The following BMPR1A variants were observed in gnomAD, a reference collection of about 807,000 sequenced individuals.
BMPR1A encodes bone morphogenetic protein receptor type 1A.
BMPR1A carries 7 observed loss-of-function variants against 66.0 expected under a neutral mutation model. The observed-to-expected ratio is 0.11, with a 90% CI of 0.06 to 0.20. The LOEUF is 0.20. Among genes scored for constraint, BMPR1A ranks in the 10% least tolerant of loss-of-function variants. BMPR1A has a pLI of 1.00. For missense variants in BMPR1A, 408 were observed against 669.1 expected, an observed-to-expected ratio of 0.61 and a Z score of 4.31; for synonymous variants, 200 against 229.7, an observed-to-expected ratio of 0.87 and a Z score of 1.17.
chr10:86,773,623 C>T (rs572428886), intron 1 of BMPR1A, among the ~76,000 whole-genome samples: 8 of 142,682 alleles, frequency 5.6e-5, no homozygotes, highest in Admixed American at 5.6e-4. Flanking sequence ...AAAAACACAA[C>T]ACCAGATGGA....
At chr10:86,807,119 C>T (rs952061760) in intron 1 of BMPR1A, among the ~76,000 whole-genome samples, 1 of 152,024 alleles carries the variant, frequency 6.6e-6, no homozygotes, top group Non-Finnish European at 1.5e-5. Flanking sequence ...CTTAGGTGTT[C>T]TCATTGATAC....
chr10:86,824,876 CTT>C lies in BMPR1A; in HGVS notation c.-267-13987_-267-13986del, dbSNP rs1256543185. Reference sequence around the variant, plus strand: ...GAAATGTAATTAGTTTTTCAGGAAACTTTGTCCACATAAAGGAATTGATTCCA... The same window carrying C: ...GAAATGTAATTAGTTTTTCAGGAAACTGTCCACATAAAGGAATTGATTCCA... On this transcript the variant is annotated intron_variant, in intron 1 of 12. Coordinates refer to ENST00000372037, the MANE Select transcript of BMPR1A (RefSeq NM_004329.3). Among the ~76,000 whole-genome samples the C allele has an allele frequency of 5.3e-5, 8 of 152,204 alleles. No homozygotes were observed. In the South Asian group the frequency reaches 1.7e-3, roughly 32 times the overall value.
intron 2 of BMPR1A, among the ~76,000 whole-genome samples, chr10:86,846,462 C>T (rs182654014): frequency 1.3e-5 from 2 of 152,308 alleles, no homozygotes; most frequent in East Asian, 1.9e-4. Context: ...AAGATTGGCA[C>T]TTTGTGTTCC....
chr10:86,899,976 T>A, intron 6 of BMPR1A, 51 bp from the exon 7 acceptor site: 1 of 1,610,688 alleles, frequency 6.2e-7, no homozygotes, highest in Non-Finnish European at 8.5e-7. Flanking sequence ...ATTGAACACG[T>A]CAGATTATTT....
intron 1 of BMPR1A, among the ~76,000 whole-genome samples, chr10:86,784,226 T>C (rs1333238967): frequency 6.6e-6 from 1 of 152,212 alleles, no homozygotes; most frequent in Non-Finnish European, 1.5e-5. Flanking sequence ...TAATGTTTGC[T>C]GTGGACTTTT....
chr10:86,797,689 A>G (rs546652413), intron 1 of BMPR1A, among the ~76,000 whole-genome samples: 103 of 152,276 alleles, frequency 6.8e-4, no homozygotes, highest in Non-Finnish European at 1.1e-3. Flanking sequence ...TTAATTCTTC[A>G]AATTGTATAG....
At chr10:86,866,221 CTTTTT>C (rs567037609) in intron 2 of BMPR1A, among the ~76,000 whole-genome samples, 2 of 124,022 alleles carry the variant, frequency 1.6e-5, no homozygotes, top group Non-Finnish European at 1.7e-5. Flanking sequence ...GAAGAGGGAG[CTTTTT>C]TTTTTTTTTT....
intron 2 of BMPR1A, among the ~76,000 whole-genome samples, chr10:86,871,426 C>T (rs1842854259): frequency 6.6e-6 from 1 of 152,178 alleles, no homozygotes; most frequent in South Asian, 2.1e-4. Flanking sequence ...ATAGCACAGA[C>T]ACTTAATAAA....
Position 86,926,932 on chromosome 10 carries a change from T to G in BMPR1A, c.*3213T>G, listed in dbSNP as rs1289821232. 1 of 190,650 alleles carries G rather than the reference T, an allele frequency of 5.2e-6. No individual in the cohort carries two copies. The highest frequency in any genetic ancestry group is 1.1e-5 in the Non-Finnish European group (1 of 91,050). 11.8% of individuals were successfully genotyped at this position (190,650 alleles called of 1,614,324 possible). A position where few individuals can be genotyped will look rare whatever the true frequency, so the allele number is the denominator to read the frequency against. The stretch of plus-strand genomic sequence containing the variant: ...TCCTTCAGTTTGTTTATTCTAAGCT[T>G]TTACTGTGCTTTTTACTGAACAAGT... On this transcript the variant is annotated 3_prime_UTR_variant, in exon 13 of 13. Transcript: ENST00000372037.
At position 86,919,271 on chromosome 10, in the gene BMPR1A, G is replaced by A. The variant is rs187780646; in HGVS notation, c.968G>A (p.Cys323Tyr). 3.1e-6 allele frequency: 5 copies of A among 1,613,960 alleles called. No homozygotes were observed. The East Asian group carries it at 8.9e-5, about 29-fold the overall frequency. Residue 323 changes from cysteine to tyrosine, a missense_variant, in exon 10 of 13, where the codon TGT becomes TAT. Cys to Tyr is a radical substitution (Grantham distance 194, BLOSUM62 -2). This residue lies in a region of BMPR1A where 23 missense variants were observed against 17.2 expected (regional missense o/e 1.34). Coordinates refer to ENST00000372037, the MANE Select transcript of BMPR1A (RefSeq NM_004329.3). ...ENGSLYDFLK[C>Y]ATLDTRALLK... ...GGATCTCTCTATGACTTCCTGAAAT[G>A]TGCTACACTGGACACCAGAGCCCTG...
In BMPR1A at chr10:86,889,740, T is replaced by C. The variant is rs148783908; in HGVS notation, c.68-322T>C. 8.7e-4 allele frequency: 236 copies of C among 270,340 alleles called. 1 individual carries two copies. Among genetic ancestry groups the C allele is most frequent in the African/African-American group, 4.9e-3 (217 of 44,272 alleles). 16.7% of individuals were successfully genotyped at this position (270,340 alleles called of 1,614,324 possible). A position where few individuals can be genotyped will look rare whatever the true frequency, so the allele number is the denominator to read the frequency against. ...GCGTTCATGCTTTTCCCTGGTTAAA[T>C]TAAAAAATTTTTAAGTTATTTTAAA... On this transcript the variant is annotated intron_variant, in intron 3 of 12. Transcript: ENST00000372037.
chr10:86,865,481 A>AC, intron 2 of BMPR1A, among the ~76,000 whole-genome samples: 1 of 151,874 alleles, frequency 6.6e-6, no homozygotes, highest in Middle Eastern at 3.4e-3. Context: ...AAACGGCCCC[A>AC]CCCTCATCTC....
At chr10:86,868,231 A>ATTTC (rs1842808745) in intron 2 of BMPR1A, among the ~76,000 whole-genome samples, 1 of 152,224 alleles carries the variant, frequency 6.6e-6, no homozygotes, top group Non-Finnish European at 1.5e-5. Context: ...TTTCGGTAAG[A>ATTTC]TTTCTGTGTA....
intron 1 of BMPR1A, among the ~76,000 whole-genome samples, chr10:86,809,335 G>T (rs1035709804): frequency 6.6e-6 from 1 of 151,116 alleles, no homozygotes; most frequent in Admixed American, 6.6e-5. Flanking sequence ...TGTCACCCAG[G>T]CTGGAGTGCA....
intron 1 of BMPR1A, among the ~76,000 whole-genome samples, chr10:86,770,991 C>T (rs1408276354): frequency 2.0e-5 from 3 of 152,136 alleles, no homozygotes; most frequent in African/African-American, 4.8e-5. Flanking sequence ...TCTTTTTCTC[C>T]GTATGAGGCT....
At chr10:86,825,668 G>T (rs1049975092) in intron 1 of BMPR1A, among the ~76,000 whole-genome samples, 1 of 152,072 alleles carries the variant, frequency 6.6e-6, no homozygotes, top group Non-Finnish European at 1.5e-5. Context: ...GTGGAAATAT[G>T]GTCTTGCTAT....
At chr10:86,880,080 G>C (rs1842967377) in intron 3 of BMPR1A, among the ~76,000 whole-genome samples, 1 of 152,136 alleles carries the variant, frequency 6.6e-6, no homozygotes, top group South Asian at 2.1e-4. Flanking sequence ...TTAGTATGGA[G>C]GTCTGATTAC....
At chr10:86,803,297 TCTCAAACTC>T (rs1841838928) in intron 1 of BMPR1A, among the ~76,000 whole-genome samples, 1 of 151,670 alleles carries the variant, frequency 6.6e-6, no homozygotes, top group Non-Finnish European at 1.5e-5. Flanking sequence ...CCCAGGCTGA[TCTCAAACTC>T]CTGGCTTCAA....
intron 1 of BMPR1A, among the ~76,000 whole-genome samples, chr10:86,769,154 C>A (rs1420869803): frequency 6.6e-6 from 1 of 152,172 alleles, no homozygotes; most frequent in African/African-American, 2.4e-5. Context: ...TCAGTACTGG[C>A]AAATTGATAT....
Sources: allele counts gnomAD v4.1 joint callset (sites outside exome capture counted in the v4.1 genomes callset), GRCh38; gene constraint gnomAD v4.1.1; regional missense constraint gnomAD v4.1.1; transcripts MANE v1.5; gene names NCBI Gene and HGNC (gene_info 2026-07-23, HGNC 2026-07-21).